The following TRHDE variants were observed in gnomAD, a reference collection of about 807,000 sequenced individuals.
TRHDE encodes thyrotropin releasing hormone degrading enzyme, also known as thyrotropin-releasing hormone-degrading ectoenzyme.
Under a neutral mutation model 125.7 loss-of-function variants are expected in TRHDE, and 72 were observed. The observed-to-expected ratio is 0.57, with a 90% CI of 0.47 to 0.70. TRHDE has a LOEUF of 0.70. Ranked by LOEUF, TRHDE falls within the 30% of genes least tolerant of loss-of-function variation. The pLI, the probability that TRHDE is intolerant of heterozygous loss-of-function variation, is 0.00. For missense variants in TRHDE, 1,110 were observed against 1,327.1 expected, an observed-to-expected ratio of 0.84 and a Z score of 2.54; for synonymous variants, 509 against 509.1, an observed-to-expected ratio of 1.00 and a Z score of 0.00.
At chr12:72,176,388 G>A (rs1195147199) in intron 2 of TRHDE, among the ~76,000 whole-genome samples, 1 of 152,100 alleles carries the variant, frequency 6.6e-6, no homozygotes, top group African/African-American at 2.4e-5. Flanking sequence ...AAGGGAATGA[G>A]CTCAGGCTAG....
intron 2 of TRHDE, chr12:72,257,366 G>A (rs1431743458): frequency 1.3e-5 from 2 of 152,046 alleles, no homozygotes; most frequent in East Asian, 3.9e-4. Flanking sequence ...TTCAGGCTAT[G>A]GTGTTTAAAG....
At chr12:72,438,576 T>C (rs1444494531) in intron 3 of TRHDE, among the ~76,000 whole-genome samples, 2 of 151,902 alleles carry the variant, frequency 1.3e-5, no homozygotes, top group Non-Finnish European at 2.9e-5. Flanking sequence ...TTTTGAGAAA[T>C]GTCTATCATG....
intron 6 of TRHDE, among the ~76,000 whole-genome samples, chr12:72,507,258 T>C (rs1403232918): frequency 6.6e-6 from 1 of 152,164 alleles, no homozygotes; most frequent in Non-Finnish European, 1.5e-5. Context: ...GCTGTAAAGA[T>C]ACCTGAAAAT....
At chr12:72,447,649 G>A (rs368473384) in intron 3 of TRHDE, among the ~76,000 whole-genome samples, 95 of 152,004 alleles carry the variant, frequency 6.2e-4, no homozygotes, top group African/African-American at 2.2e-3. Flanking sequence ...TCTATCTCGG[G>A]TATGAATACT....
At chr12:72,321,063 G>A (rs571007589) in intron 2 of TRHDE, among the ~76,000 whole-genome samples, 1 of 152,240 alleles carries the variant, frequency 6.6e-6, no homozygotes, top group Non-Finnish European at 1.5e-5. Context: ...TCATCAACTC[G>A]AATGACAATA....
rs561780098 is a variant in TRHDE at position 72,578,730 on chromosome 12, A to G, written c.2321+3188A>G. Among the ~76,000 whole-genome samples the G allele has an allele frequency of 2.0e-5, 3 of 152,264 alleles. No individual in the cohort carries two copies. The South Asian group carries it at 6.2e-4, about 32-fold the overall frequency. ...GATAAAGTAATTGTTAATTATTTAG[A>G]CTATTAACTTTATGCCACGACTTGT... On this transcript the variant is annotated intron_variant, in intron 12 of 18. Transcript: ENST00000261180.
At chr12:72,229,712 C>T (rs893561325) in intron 2 of TRHDE, among the ~76,000 whole-genome samples, 1 of 152,076 alleles carries the variant, frequency 6.6e-6, no homozygotes, top group African/African-American at 2.4e-5. Flanking sequence ...TTAAAATTAG[C>T]TTAACTATTT....
intron 6 of TRHDE, among the ~76,000 whole-genome samples, chr12:72,507,919 A>T (rs1878424419): frequency 6.6e-6 from 1 of 152,234 alleles, no homozygotes; most frequent in Non-Finnish European, 1.5e-5. Flanking sequence ...CCCTAGCTCC[A>T]GCAGTGGCTA....
chr12:72,620,498 T>A (rs7971401), intron 13 of TRHDE, among the ~76,000 whole-genome samples: 4 of 151,828 alleles, frequency 2.6e-5, no homozygotes, highest in African/African-American at 9.7e-5. Context: ...TACTCCAGCC[T>A]GAGCAACAGA....
At chr12:72,397,939 C>T (rs1378983798) in intron 3 of TRHDE, among the ~76,000 whole-genome samples, 3 of 151,146 alleles carry the variant, frequency 2.0e-5, no homozygotes, top group African/African-American at 7.3e-5. Flanking sequence ...CCCACTAACT[C>T]GTCATCTAGC....
chr12:72,338,440 T>C (rs1869929202), intron 2 of TRHDE, among the ~76,000 whole-genome samples: 3 of 152,196 alleles, frequency 2.0e-5, no homozygotes, highest in Admixed American at 2.0e-4. Flanking sequence ...CGTGGGATCA[T>C]TGATGGCAGA....
intron 12 of TRHDE, among the ~76,000 whole-genome samples, chr12:72,582,834 A>G (rs1427225652): frequency 6.6e-6 from 1 of 152,176 alleles, no homozygotes; most frequent in Non-Finnish European, 1.5e-5. Context: ...AGATCCCTCT[A>G]ATATCCTGCC....
At chr12:72,414,203 G>A (rs1214485394) in intron 3 of TRHDE, among the ~76,000 whole-genome samples, 1 of 151,988 alleles carries the variant, frequency 6.6e-6, no homozygotes, top group Admixed American at 6.6e-5. Flanking sequence ...GTATGACCGG[G>A]GTCAAATTTT....
chr12:72,228,769 T>C (rs907949007), intron 2 of TRHDE, among the ~76,000 whole-genome samples: 4 of 152,206 alleles, frequency 2.6e-5, no homozygotes, highest in African/African-American at 9.6e-5. Flanking sequence ...GCTTTGCTGC[T>C]TAGAAATTTC....
chr12:72,447,584 T>C (rs1037286663), intron 3 of TRHDE, among the ~76,000 whole-genome samples: 5 of 152,084 alleles, frequency 3.3e-5, no homozygotes, highest in African/African-American at 1.2e-4. Flanking sequence ...ATCTGTTTTA[T>C]GAAACCCTGA....
chr12:72,592,836 G>T (rs1039834630), intron 12 of TRHDE, among the ~76,000 whole-genome samples: 3 of 151,602 alleles, frequency 2.0e-5, no homozygotes, highest in Admixed American at 6.6e-5. Flanking sequence ...TCAGCATCCC[G>T]AGTAGCTGGG....
chr12:72,336,009 T>C (rs980081419), intron 2 of TRHDE, among the ~76,000 whole-genome samples: 1 of 152,190 alleles, frequency 6.6e-6, no homozygotes, highest in African/African-American at 2.4e-5. Context: ...CATAAGCACA[T>C]TTAAGTAGTT....
At chr12:72,393,048 A>T (rs1872666055) in intron 3 of TRHDE, among the ~76,000 whole-genome samples, 1 of 152,146 alleles carries the variant, frequency 6.6e-6, no homozygotes, top group African/African-American at 2.4e-5. Flanking sequence ...TACTGATTGA[A>T]TGCTAATGTT....
chr12:72,615,003 A>G (rs1872762720), intron 12 of TRHDE, among the ~76,000 whole-genome samples: 1 of 151,856 alleles, frequency 6.6e-6, no homozygotes, highest in African/African-American at 2.4e-5. Context: ...GAGAAGGAGG[A>G]GGGAAGGGAG....
Sources: allele counts gnomAD v4.1 joint callset (sites outside exome capture counted in the v4.1 genomes callset), GRCh38; gene constraint gnomAD v4.1.1; transcripts MANE v1.5; gene names NCBI Gene and HGNC (gene_info 2026-07-23, HGNC 2026-07-21).